The following ATG10 variants were observed in gnomAD, a reference collection of about 807,000 sequenced individuals.
ATG10 encodes ubiquitin-like-conjugating enzyme ATG10.
In ATG10, 30 loss-of-function variants were observed where a neutral mutation model predicts 32.1. The observed-to-expected ratio is 0.94, with a 90% CI of 0.70 to 1.27. The LOEUF (loss-of-function observed/expected upper bound fraction) is 1.27, where lower values mean the gene tolerates loss of function less well. Ranked by LOEUF, ATG10 falls within the 50% of genes most tolerant of loss-of-function variation. The pLI is 0.00. For missense variants in ATG10, 233 were observed against 262.3 expected (o/e 0.89, Z 0.77); for synonymous variants, 87 against 91.5 (o/e 0.95, Z 0.28).
intron 3 of ATG10, among the ~76,000 whole-genome samples, chr5:82,094,669 C>T (rs1004625987): frequency 6.6e-6 from 1 of 151,930 alleles, no homozygotes; most frequent in Admixed American, 6.6e-5. Flanking sequence ...CAGGAAATAA[C>T]TTGAATGTCA....
intron 3 of ATG10, among the ~76,000 whole-genome samples, chr5:82,085,094 G>T (rs147680863): frequency 1.3e-5 from 2 of 151,992 alleles, no homozygotes; most frequent in Non-Finnish European, 2.9e-5. Context: ...CCCATCTCAC[G>T]TGCAGAGACA....
chr5:82,192,357 T>C (rs1744696147), intron 5 of ATG10, among the ~76,000 whole-genome samples: 1 of 152,198 alleles, frequency 6.6e-6, no homozygotes, highest in Admixed American at 6.5e-5. Flanking sequence ...TCTCTCCCTA[T>C]TCAACTAGCC....
chr5:82,020,883 C>G (rs1011477600), intron 2 of ATG10, among the ~76,000 whole-genome samples: 3 of 152,056 alleles, frequency 2.0e-5, no homozygotes, highest in African/African-American at 7.2e-5. Context: ...CCACAATTAC[C>G]AGGTACAAAA....
chr5:81,990,552 C>T (rs1488710770), intron 2 of ATG10, among the ~76,000 whole-genome samples: 1 of 152,086 alleles, frequency 6.6e-6, no homozygotes, highest in African/African-American at 2.4e-5. Context: ...AACTAATGCC[C>T]CAGAACCAGT....
chr5:82,061,455 A>G lies in ATG10; in HGVS notation c.216+2853A>G, dbSNP rs1035519614. ...CTCCTTCTTGGTACTCCTCAGACTTATGCTTAGTGTTTTAAAAGCCAGATT... is the reference window on the plus strand; with the variant it reads ...CTCCTTCTTGGTACTCCTCAGACTTGTGCTTAGTGTTTTAAAAGCCAGATT... On this transcript the variant is annotated intron_variant, in intron 3 of 7. Transcript: ENST00000282185. Among the ~76,000 whole-genome samples the G allele has an allele frequency of 4.0e-5, 6 of 151,054 alleles. No homozygotes were observed. In the East Asian group the frequency reaches 9.7e-4, roughly 24 times the overall value.
chr5:81,978,268 C>T (rs1479216440), intron 1 of ATG10, among the ~76,000 whole-genome samples: 1 of 152,108 alleles, frequency 6.6e-6, no homozygotes, highest in Non-Finnish European at 1.5e-5. Flanking sequence ...TGGGGTTTCA[C>T]CATGTTGGTC....
Position 82,241,818 on chromosome 5 carries a change from A to G in ATG10, c.454-10744A>G, listed in dbSNP as rs535074041. Among the ~76,000 whole-genome samples, 29 of 151,830 alleles carry G rather than the reference A, an allele frequency of 1.9e-4. No individual in the cohort carries two copies. In the South Asian group the frequency reaches 4.4e-3, roughly 23 times the overall value. On this transcript the variant is annotated intron_variant, in intron 5 of 7. Transcript: ENST00000282185. ...TCCTCCATTTGACTCTCTTTACCTT[A>G]CTATGTACAAAACAGATAAAAAAAG...
chr5:82,153,864 C>A (rs952839463), intron 3 of ATG10, among the ~76,000 whole-genome samples: 1 of 151,194 alleles, frequency 6.6e-6, no homozygotes, highest in African/African-American at 2.4e-5. Flanking sequence ...TCCCAGGCCC[C>A]AGGACAGTGT....
chr5:81,993,360 C>CTTTCTTTCCTTCTTTCTTTCTT, intron 2 of ATG10, among the ~76,000 whole-genome samples: 3,046 of 46,708 alleles, frequency 0.065, 596 homozygotes, highest in Non-Finnish European at 0.086. Flanking sequence ...TCTTTCTTTC[C>CTTTCTTTCCTTCTTTCTTTCTT]TTCTTTTCTT....
At chr5:82,056,714 T>C (rs1763613868) in intron 2 of ATG10, among the ~76,000 whole-genome samples, 1 of 152,154 alleles carries the variant, frequency 6.6e-6, no homozygotes, top group Admixed American at 6.6e-5. Context: ...CTGTAATTAG[T>C]GTAACAGTAG....
intron 3 of ATG10, among the ~76,000 whole-genome samples, chr5:82,072,856 A>C (rs932682606): frequency 2.0e-5 from 3 of 152,206 alleles, no homozygotes; most frequent in Non-Finnish European, 4.4e-5. Context: ...GAACTGATTT[A>C]ATGTTATGGA....
At chr5:82,161,780 A>G (rs1743358274) in intron 3 of ATG10, among the ~76,000 whole-genome samples, 1 of 151,582 alleles carries the variant, frequency 6.6e-6, no homozygotes, top group African/African-American at 2.4e-5. Flanking sequence ...TGAACTATTG[A>G]AATCATCTAG....
chr5:82,038,574 T>C (rs892837380), intron 2 of ATG10, among the ~76,000 whole-genome samples: 3 of 152,048 alleles, frequency 2.0e-5, no homozygotes, highest in African/African-American at 7.2e-5. Flanking sequence ...GCTCAAGAGG[T>C]GTCCAATACA....
chr5:81,983,283 G>T (rs1761122420), intron 1 of ATG10, among the ~76,000 whole-genome samples: 1 of 147,320 alleles, frequency 6.8e-6, no homozygotes, highest in Admixed American at 6.7e-5. Context: ...CTGGGCGGGG[G>T]GCTGACCCCC....
chr5:82,128,077 C>T (rs1458491724), intron 3 of ATG10, among the ~76,000 whole-genome samples: 1 of 151,948 alleles, frequency 6.6e-6, no homozygotes, highest in Non-Finnish European at 1.5e-5. Context: ...GGTTTAAAGT[C>T]TGTTTTATCA....
chr5:82,122,082 C>G (rs551903982), intron 3 of ATG10, among the ~76,000 whole-genome samples: 1 of 151,488 alleles, frequency 6.6e-6, no homozygotes, highest in Non-Finnish European at 1.5e-5. Flanking sequence ...CTTCTTTGTA[C>G]ACCTGGTAGA....
chr5:82,069,429 A>G (rs1331009655), intron 3 of ATG10, among the ~76,000 whole-genome samples: 1 of 152,172 alleles, frequency 6.6e-6, no homozygotes, highest in Admixed American at 6.6e-5. Flanking sequence ...AATGCTCACT[A>G]TGAAAGAGAC....
chr5:82,229,261 T>A (rs772901691), intron 5 of ATG10, among the ~76,000 whole-genome samples: 2 of 152,178 alleles, frequency 1.3e-5, no homozygotes, highest in African/African-American at 2.4e-5. Flanking sequence ...GTTACAGTAC[T>A]GGAGGAGCAC....
At chr5:82,103,363 A>G (rs1765340789) in intron 3 of ATG10, among the ~76,000 whole-genome samples, 2 of 152,110 alleles carry the variant, frequency 1.3e-5, no homozygotes, top group Non-Finnish European at 2.9e-5. Flanking sequence ...CATAGCAGGG[A>G]CCCCATTAAG....
Sources: allele counts gnomAD v4.1 joint callset (sites outside exome capture counted in the v4.1 genomes callset), GRCh38; gene constraint gnomAD v4.1.1; transcripts MANE v1.5; gene names NCBI Gene and HGNC (gene_info 2026-07-23, HGNC 2026-07-21).